The following ANTXR1 variants were observed in gnomAD, a reference collection of about 807,000 sequenced individuals.
The protein encoded by ANTXR1 is anthrax toxin receptor 1.
Under a neutral mutation model 78.1 loss-of-function variants are expected in ANTXR1, and 19 were observed. That is an observed-to-expected ratio of 0.24 (90% confidence interval 0.17 to 0.36). The LOEUF is 0.36. Ranked by LOEUF, ANTXR1 falls within the 10% of genes least tolerant of loss-of-function variation. The pLI is 1.00. For synonymous variants in ANTXR1, 273 were observed against 260.5 expected (o/e 1.05, Z -0.46); for missense variants, 518 against 718.6 (o/e 0.72, Z 3.19).
intron 14 of ANTXR1, 118 bp from the exon 15 acceptor site, chr2:69,181,668 G>A (rs1236130089): frequency 1.0e-6 from 1 of 961,886 alleles, no homozygotes; most frequent in South Asian, 1.3e-5. Flanking sequence ...CAGTAGCACT[G>A]GGATTGCACC....
chr2:69,013,372 G>C lies in ANTXR1; in HGVS notation c.-128G>C. On this transcript the variant is annotated 5_prime_UTR_variant, in exon 1 of 18. Coordinates refer to ENST00000303714, the MANE Select transcript of ANTXR1 (RefSeq NM_032208.3). The surrounding 1 kb of genome is among the most constrained non-coding windows in gnomAD (Gnocchi z 5.0). ...TCCTCCAGACAATTGCTTCCGGGGA[G>C]TTGCGAGGGAGCGAGGGGGAATAAA... is the stretch of plus-strand genomic sequence containing the variant. 1.5e-6 allele frequency: 2 copies of C among 1,306,132 alleles called. No homozygotes were observed. Among genetic ancestry groups the C allele is most frequent in the Non-Finnish European group, 2.1e-6 (2 of 934,934 alleles). 80.9% of individuals were successfully genotyped at this position (1,306,132 alleles called of 1,614,324 possible). A position where few individuals can be genotyped will look rare whatever the true frequency, so the allele number is the denominator to read the frequency against.
Position 69,245,287 on chromosome 2 carries a change from C to T in ANTXR1, c.1497C>T (p.Asn499=), listed in dbSNP as rs72903177. ...NNQPAKYPLN[N]AYHTSSPPPA... ...AGCCAGCCAAGTACCCACTCAACAACGCCTACCACACCTCCTCGCCGCCTC... is the reference window on the plus strand; with the variant it reads ...AGCCAGCCAAGTACCCACTCAACAATGCCTACCACACCTCCTCGCCGCCTC... The change falls in exon 18 of 18, where the codon AAC becomes AAT. Residue 499 remains asparagine, a synonymous_variant. Transcript: ENST00000303714. 7.1e-3 allele frequency: 11,502 copies of T among 1,613,322 alleles called. 744 individuals are homozygous for T. In the African/African-American group the frequency reaches 0.13, roughly 19 times the overall value.
intron 6 of ANTXR1, among the ~76,000 whole-genome samples, chr2:69,074,985 G>A (rs976912549): frequency 6.7e-6 from 1 of 148,812 alleles, no homozygotes; most frequent in Non-Finnish European, 1.5e-5. Flanking sequence ...CTTAATTGTA[G>A]AGATCATGGA....
rs74338679 is a variant in ANTXR1 at position 69,151,131 on chromosome 2, T to G, written c.952-1038T>G. 6.8e-3 allele frequency among the ~76,000 whole-genome samples: 1,027 copies of G among 152,112 alleles called. 18 individuals carry two copies. The highest frequency in any genetic ancestry group is 0.024 in the African/African-American group (978 of 41,484). Reference sequence around the variant, plus strand: ...TTAACTTTCCCCAATTGTTAACCATTTATGTTTTCATTATTATTATTATTA... The same window carrying G: ...TTAACTTTCCCCAATTGTTAACCATGTATGTTTTCATTATTATTATTATTA... On this transcript the variant is annotated intron_variant, in intron 12 of 17. Transcript: ENST00000303714.
intron 1 of ANTXR1, among the ~76,000 whole-genome samples, chr2:69,027,529 GAAC>G (rs898133891): frequency 1.3e-5 from 2 of 151,970 alleles, no homozygotes; most frequent in African/African-American, 2.4e-5. Context: ...CTAACTGATG[GAAC>G]AACAACATGA....
At chr2:69,145,734 ATCC>A in intron 12 of ANTXR1, 1 of 1,048,946 alleles carries the variant, frequency 9.5e-7, no homozygotes, top group Non-Finnish European at 1.1e-6. Flanking sequence ...TCTCCATTCT[ATCC>A]TCCTCCCTTT....
chr2:69,177,907 G>C (rs2104458338), intron 14 of ANTXR1, among the ~76,000 whole-genome samples: 2 of 152,178 alleles, frequency 1.3e-5, no homozygotes, highest in South Asian at 4.1e-4. Context: ...TTCCCCACAA[G>C]CCCCTGATTT....
Position 69,246,349 on chromosome 2 carries a change from G to A in ANTXR1, c.*864G>A, listed in dbSNP as rs1676022807. 6.6e-6 allele frequency: 1 copy of A among 152,144 alleles called. No homozygotes were observed. Among genetic ancestry groups the A allele is most frequent in the South Asian group, 2.1e-4 (1 of 4,828 alleles). 9.4% of individuals were successfully genotyped at this position (152,144 alleles called of 1,614,324 possible). On this transcript the variant is annotated 3_prime_UTR_variant, in exon 18 of 18. Coordinates refer to ENST00000303714, the MANE Select transcript of ANTXR1 (RefSeq NM_032208.3). ...TTAATGAATCATGTTAAAAATCAAGGTTTGGCTTCAGTTTAAATCACTTGA... is the reference window on the plus strand; with the variant it reads ...TTAATGAATCATGTTAAAAATCAAGATTTGGCTTCAGTTTAAATCACTTGA...
intron 17 of ANTXR1, among the ~76,000 whole-genome samples, chr2:69,194,248 A>G (rs1244430251): frequency 6.6e-6 from 1 of 152,232 alleles, no homozygotes; most frequent in Non-Finnish European, 1.5e-5. Flanking sequence ...TCTCTTCCTC[A>G]AGTTTTACAG....
chr2:69,095,500 C>T (rs913384941), intron 9 of ANTXR1, among the ~76,000 whole-genome samples: 6 of 152,206 alleles, frequency 3.9e-5, no homozygotes, highest in African/African-American at 1.4e-4. Flanking sequence ...GAAGTCATCA[C>T]AGAGACTGAG....
intron 10 of ANTXR1, among the ~76,000 whole-genome samples, chr2:69,103,930 G>A (rs1029455465): frequency 1.4e-5 from 2 of 147,254 alleles, no homozygotes; most frequent in Non-Finnish European, 3.0e-5. Flanking sequence ...TTCTCCTCCT[G>A]ATAGCCTATT....
intron 3 of ANTXR1, among the ~76,000 whole-genome samples, chr2:69,061,928 A>G (rs140826041): frequency 1.3e-5 from 2 of 152,316 alleles, no homozygotes; most frequent in East Asian, 1.9e-4. Context: ...CTTCATTTCC[A>G]TGGTCAACCA....
At chr2:69,086,782 C>T (rs1380591430) in intron 8 of ANTXR1, among the ~76,000 whole-genome samples, 1 of 152,178 alleles carries the variant, frequency 6.6e-6, no homozygotes, top group African/African-American at 2.4e-5. Flanking sequence ...TGCTTTACTG[C>T]CAAGGTCATT....
chr2:69,178,040 T>G (rs375726197), intron 14 of ANTXR1, among the ~76,000 whole-genome samples: 8 of 152,202 alleles, frequency 5.3e-5, no homozygotes, highest in African/African-American at 1.9e-4. Context: ...TCTATACTGG[T>G]GTTTTCTCCC....
intron 17 of ANTXR1, among the ~76,000 whole-genome samples, chr2:69,222,478 GTAGT>G (rs1264389726): frequency 6.6e-6 from 1 of 152,210 alleles, no homozygotes; most frequent in Non-Finnish European, 1.5e-5. Context: ...CAGCAAAGTT[GTAGT>G]TAGTCATTCT....
intron 14 of ANTXR1, among the ~76,000 whole-genome samples, chr2:69,179,986 C>T (rs1674233160): frequency 6.6e-6 from 1 of 152,218 alleles, no homozygotes; most frequent in African/African-American, 2.4e-5. Flanking sequence ...GAGAGAGAGA[C>T]ACCCAAGTGT....
At chr2:69,109,508 G>A (rs139059079) in intron 10 of ANTXR1, among the ~76,000 whole-genome samples, 2 of 152,136 alleles carry the variant, frequency 1.3e-5, no homozygotes, top group African/African-American at 4.8e-5. Flanking sequence ...CACAGTAGGC[G>A]AACTGAGCTT....
intron 8 of ANTXR1, among the ~76,000 whole-genome samples, chr2:69,081,140 A>G (rs1670887336): frequency 6.6e-6 from 1 of 152,196 alleles, no homozygotes; most frequent in South Asian, 2.1e-4. Context: ...AGAAGGATTT[A>G]TTATCCCCAT....
At chr2:69,058,774 T>C (rs1558500924) in intron 3 of ANTXR1, among the ~76,000 whole-genome samples, 1 of 152,220 alleles carries the variant, frequency 6.6e-6, no homozygotes, top group Non-Finnish European at 1.5e-5. Context: ...GCAAAGTAGA[T>C]TGAAAACCTT....
Sources: allele counts gnomAD v4.1 joint callset (sites outside exome capture counted in the v4.1 genomes callset), GRCh38; gene constraint gnomAD v4.1.1; non-coding constraint Gnocchi (gnomAD v3.1); transcripts MANE v1.5; gene names NCBI Gene and HGNC (gene_info 2026-07-23, HGNC 2026-07-21).